Variants in DNAJC8 observed in about 807,000 individuals in gnomAD.
DNAJC8 encodes DnaJ heat shock protein family (Hsp40) member C8.
A neutral mutation model predicts 43.2 loss-of-function variants in DNAJC8; 24 were observed. The observed-to-expected ratio is 0.56, with a 90% CI of 0.40 to 0.78. DNAJC8 has a LOEUF of 0.78. Ranked by LOEUF, DNAJC8 falls within the 30% of genes least tolerant of loss-of-function variation. DNAJC8 has a pLI of 0.00. For missense variants in DNAJC8, 207 were observed against 299.4 expected, an observed-to-expected ratio of 0.69 and a Z score of 2.28; for synonymous variants, 83 against 98.0, an observed-to-expected ratio of 0.85 and a Z score of 0.90.
At chr1:28,215,462 G>A (rs1646844627) in intron 2 of DNAJC8, among the ~76,000 whole-genome samples, 1 of 152,066 alleles carries the variant, frequency 6.6e-6, no homozygotes, top group South Asian at 2.1e-4. Flanking sequence ...AAACCTGTGA[G>A]CAATGGCTGG....
intron 7 of DNAJC8, 28 bp from the exon 8 acceptor site, chr1:28,203,850 T>C: frequency 6.3e-7 from 1 of 1,598,420 alleles, no homozygotes; most frequent in Non-Finnish European, 8.6e-7. Flanking sequence ...TCATAGTATT[T>C]ATATGATACT....
chr1:28,208,661 G>C, intron 5 of DNAJC8: 1 of 280,632 alleles, frequency 3.6e-6, no homozygotes. Context: ...AAGATGAAAG[G>C]GGACCAACGG....
intron 2 of DNAJC8, among the ~76,000 whole-genome samples, chr1:28,218,510 G>C (rs956480605): frequency 1.3e-5 from 2 of 151,904 alleles, no homozygotes; most frequent in African/African-American, 4.9e-5. Flanking sequence ...TCGAGCTCTG[G>C]GGCTCAAGTG....
intron 3 of DNAJC8, among the ~76,000 whole-genome samples, chr1:28,212,168 A>AATAAATAAATATATAT (rs35950985): frequency 4.5e-4 from 14 of 30,990 alleles, no homozygotes; most frequent in Non-Finnish European, 8.4e-4. Flanking sequence ...TAAATAAATA[A>AATAAATAAATATATAT]ATATATATAT....
At chr1:28,217,822 C>A (rs1646869679) in intron 2 of DNAJC8, among the ~76,000 whole-genome samples, 1 of 151,754 alleles carries the variant, frequency 6.6e-6, no homozygotes, top group Non-Finnish European at 1.5e-5. Flanking sequence ...TGATTGATTT[C>A]TTTTTTAAAA....
Position 28,212,183 on chromosome 1 carries a change from ATAT to A in DNAJC8, c.238-1549_238-1547del, listed in dbSNP as rs1452255638. Among the ~76,000 whole-genome samples the A allele has an allele frequency of 2.5e-4, 15 of 60,358 alleles. 3 individuals carry two copies. Among genetic ancestry groups the A allele is most frequent in the African/African-American group, 8.5e-4 (13 of 15,224 alleles). 39.6% of individuals were successfully genotyped at this position (60,358 alleles called of 152,430 possible). On this transcript the variant is annotated intron_variant, in intron 3 of 8. Coordinates refer to ENST00000263697, the MANE Select transcript of DNAJC8 (RefSeq NM_014280.3). ...TAAATAAATAAATATATATATATAT[ATAT>A]ATATATATATATATATATATATATA...
Position 28,209,937 on chromosome 1 carries a change from C to A in DNAJC8, c.399+35G>T, listed in dbSNP as rs762898253. ...ACAAGGTGCCCAAGGCTTGCTGATA[C>A]TTCCTGTAAACACAGCAGCACTATA... On this transcript the variant is annotated intron_variant, in intron 5 of 8. Coordinates refer to ENST00000263697, the MANE Select transcript of DNAJC8 (RefSeq NM_014280.3). 8 of 1,599,384 alleles carry A rather than the reference C, an allele frequency of 5.0e-6. No individual in the cohort carries two copies. In the Middle Eastern group the frequency reaches 6.6e-4, roughly 133 times the overall value.
chr1:28,232,269 G>A (rs1646981420), intron 1 of DNAJC8, among the ~76,000 whole-genome samples: 1 of 152,028 alleles, frequency 6.6e-6, no homozygotes, highest in Admixed American at 6.6e-5. Context: ...GACTCCAAAC[G>A]GCATGCTTTT....
chr1:28,230,421 T>C (rs1405803905), intron 1 of DNAJC8, among the ~76,000 whole-genome samples: 1 of 152,088 alleles, frequency 6.6e-6, no homozygotes, highest in Admixed American at 6.6e-5. Context: ...TCAATAAACA[T>C]CTGTTAAATG....
chr1:28,224,460 G>A (rs1646919939), intron 2 of DNAJC8, among the ~76,000 whole-genome samples: 1 of 151,974 alleles, frequency 6.6e-6, no homozygotes, highest in Non-Finnish European at 1.5e-5. Context: ...TAGAGACAGG[G>A]TTTCACCATG....
intron 2 of DNAJC8, among the ~76,000 whole-genome samples, chr1:28,216,631 G>T (rs550346462): frequency 6.6e-5 from 10 of 151,874 alleles, no homozygotes; most frequent in African/African-American, 2.2e-4. Context: ...TGGTTATAGT[G>T]GTTCTTGAGT....
chr1:28,224,633 A>C (rs1646921323), intron 2 of DNAJC8, among the ~76,000 whole-genome samples: 1 of 152,098 alleles, frequency 6.6e-6, no homozygotes, highest in Non-Finnish European at 1.5e-5. Context: ...CTGAAATCCC[A>C]GCACTTTTTG....
intron 1 of DNAJC8, among the ~76,000 whole-genome samples, chr1:28,231,235 T>C (rs1052831293): frequency 6.6e-6 from 1 of 152,040 alleles, no homozygotes; most frequent in Non-Finnish European, 1.5e-5. Flanking sequence ...CAGCCAGGCA[T>C]GGTGGCCTGA....
intron 3 of DNAJC8, among the ~76,000 whole-genome samples, chr1:28,211,939 T>C (rs919983490): frequency 6.6e-6 from 1 of 151,548 alleles, no homozygotes; most frequent in African/African-American, 2.4e-5. Flanking sequence ...GCAGATCACT[T>C]GAGGTCAGGA....
rs555509217 is a variant in DNAJC8, at chr1:28,227,475, C to T, written c.180+1447G>A. On this transcript the variant is annotated intron_variant, in intron 2 of 8. Transcript: ENST00000263697. Reference sequence around the variant, plus strand: ...GACATGGTGGCGAATGGCTGTAATCCTAGCACTATGGGAGCCCAAGGTGGG... The same window carrying T: ...GACATGGTGGCGAATGGCTGTAATCTTAGCACTATGGGAGCCCAAGGTGGG... 2.1e-3 allele frequency among the ~76,000 whole-genome samples: 315 copies of T among 150,778 alleles called. 14 individuals are homozygous for T. The highest frequency in any genetic ancestry group is 3.9e-3 in the Non-Finnish European group (266 of 67,638).
chr1:28,202,768 G>T (rs146448519), intron 8 of DNAJC8, among the ~76,000 whole-genome samples: 2,633 of 149,740 alleles, frequency 0.018, 73 homozygotes, highest in African/African-American at 0.062. Flanking sequence ...TTTTTTAGTA[G>T]AGACAGGGTT....
At chr1:28,227,800 T>C (rs770216063) in intron 2 of DNAJC8, among the ~76,000 whole-genome samples, 1 of 152,134 alleles carries the variant, frequency 6.6e-6, no homozygotes, top group Non-Finnish European at 1.5e-5. Flanking sequence ...TGATGCTCCC[T>C]GTTTTTAAGC....
intron 1 of DNAJC8, among the ~76,000 whole-genome samples, chr1:28,230,999 A>G (rs1646969943): frequency 6.6e-6 from 1 of 152,202 alleles, no homozygotes; most frequent in Admixed American, 6.5e-5. Context: ...AACCCTGAGA[A>G]AGATGCTTCT....
rs983521526 is a variant in DNAJC8, at chr1:28,200,708, CAG to C, written c.*538_*539del. On this transcript the variant is annotated 3_prime_UTR_variant, in exon 9 of 9. Coordinates refer to ENST00000263697, the MANE Select transcript of DNAJC8 (RefSeq NM_014280.3). The stretch of plus-strand genomic sequence containing the variant: ...CATGCCACACTGATTGGTCAGTAGA[CAG>C]GGGGCACATGCCAAACACCACAGGG... The C allele has an allele frequency of 2.2e-6, 1 of 454,254 alleles. No homozygotes were observed. Among genetic ancestry groups the C allele is most frequent in the African/African-American group, 2.0e-5 (1 of 50,002 alleles). The allele number at this position is 454,254 out of a possible 1,614,324, so 28.1% of individuals were successfully genotyped here. A position where few individuals can be genotyped will look rare whatever the true frequency, so the allele number is the denominator to read the frequency against.
Sources: gnomAD v4.1 joint callset for allele counts (sites outside exome capture counted in the v4.1 genomes callset) on GRCh38, gnomAD v4.1.1 for gene constraint, MANE v1.5 for transcripts, NCBI Gene and HGNC (gene_info 2026-07-23, HGNC 2026-07-21) for gene names.